The following ATP10B variants were observed in gnomAD, a reference collection of about 807,000 sequenced individuals.
ATP10B encodes the protein ATPase phospholipid transporting 10B (putative), also known as phospholipid-transporting ATPase VB.
Under a neutral mutation model 141.2 loss-of-function variants are expected in ATP10B, and 122 were observed. The ratio of observed to expected loss-of-function variants is 0.86; its 90% CI spans 0.75 to 1.00. ATP10B has a LOEUF of 1.00. Ranked by LOEUF, ATP10B falls within the 50% of genes least tolerant of loss-of-function variation. The pLI, the probability that ATP10B is intolerant of heterozygous loss-of-function variation, is 0.00. For missense variants in ATP10B, 1,876 were observed against 1,825.3 expected (o/e 1.03, Z -0.51); for synonymous variants, 685 against 692.0 (o/e 0.99, Z 0.16).
chr5:160,889,730 G>GA, the ATP10B span, among the ~76,000 whole-genome samples: 1 of 152,190 alleles, frequency 6.6e-6, no homozygotes, highest in African/African-American at 2.4e-5. Context: ...GGAAACTGGG[G>GA]AGTGTCTCCT....
the ATP10B span, among the ~76,000 whole-genome samples, chr5:160,885,011 T>C: frequency 6.6e-6 from 1 of 152,172 alleles, no homozygotes; most frequent in East Asian, 1.9e-4. Context: ...CCAATCACCG[T>C]TGGAACTGGT....
intron 3 of ATP10B, among the ~76,000 whole-genome samples, chr5:160,705,952 G>T (rs1010838406): frequency 8.5e-5 from 13 of 152,288 alleles, no homozygotes; most frequent in African/African-American, 3.1e-4. Context: ...AGAGGCCATT[G>T]TAGGGTTATT....
At chr5:160,617,616 G>A (rs1326060003) in intron 16 of ATP10B, among the ~76,000 whole-genome samples, 1 of 152,138 alleles carries the variant, frequency 6.6e-6, no homozygotes, top group East Asian at 1.9e-4. Flanking sequence ...TGAGTTGTGT[G>A]TTACCCATTA....
rs186100669 is a variant in ATP10B, at chr5:160,686,092, G to A, written c.457C>T (p.Arg153Ter). 5,311 of 1,563,880 alleles carry A rather than the reference G, an allele frequency of 3.4e-3. 57 individuals are homozygous for A. Among genetic ancestry groups the A allele is most frequent in the Non-Finnish European group, 2.5e-3 (2,891 of 1,149,354 alleles). Residue 153 changes from arginine to a stop codon, truncating the protein, a stop_gained, in exon 6 of 26, where the codon CGA (arginine) becomes TGA (stop). Transcript: ENST00000327245. LOFTEE classifies it high-confidence loss of function. ...FDKAINCSNI[R>*]IYERKEQTYV... ...GGTTTTTCTTACCTTTCATAAATTC[G>A]AATGTTGGAGCAGTTTATTGCTTTA... is the stretch of plus-strand genomic sequence containing the variant.
intron 6 of ATP10B, among the ~76,000 whole-genome samples, chr5:160,673,138 T>G (rs1007580240): frequency 3.3e-5 from 5 of 152,232 alleles, no homozygotes; most frequent in African/African-American, 9.6e-5. Context: ...AGACCCCTTC[T>G]GAGGATTCTG....
chr5:160,856,026 AT>A (rs1020229706), upstream of ATP10B, among the ~76,000 whole-genome samples: 1 of 150,864 alleles, frequency 6.6e-6, no homozygotes, highest in South Asian at 2.1e-4. Flanking sequence ...CTTCCACTTT[AT>A]TTTTTTTCAA....
chr5:160,667,932 C>A (rs1341471398), intron 7 of ATP10B, among the ~76,000 whole-genome samples: 1 of 151,864 alleles, frequency 6.6e-6, no homozygotes, highest in African/African-American at 2.4e-5. Flanking sequence ...TTAAAAAAAA[C>A]AAAAACGGTA....
intron 24 of ATP10B, among the ~76,000 whole-genome samples, chr5:160,576,323 G>C (rs1027973360): frequency 1.3e-5 from 2 of 152,116 alleles, no homozygotes; most frequent in Non-Finnish European, 1.5e-5. Flanking sequence ...CCCAGAAAAG[G>C]ACTTAAAGGA....
chr5:160,914,471 C>T, the ATP10B span, among the ~76,000 whole-genome samples: 1 of 152,178 alleles, frequency 6.6e-6, no homozygotes, highest in Non-Finnish European at 1.5e-5. Flanking sequence ...CTATATCCTC[C>T]TGTATAAATC....
the ATP10B span, among the ~76,000 whole-genome samples, chr5:160,919,807 C>T: frequency 5.3e-5 from 8 of 152,180 alleles, no homozygotes; most frequent in South Asian, 4.1e-4. Flanking sequence ...CTAACGACGG[C>T]GCCTTCCTGA....
intron 22 of ATP10B, 137 bp from the exon 23 acceptor site, chr5:160,591,276 G>A (rs1756276724): frequency 1.6e-6 from 1 of 643,672 alleles, no homozygotes; most frequent in Middle Eastern, 2.6e-4. Flanking sequence ...GTAGAATGGA[G>A]TAATTAGGAG....
intron 4 of ATP10B, among the ~76,000 whole-genome samples, 180 bp from the exon 5 acceptor site, chr5:160,688,274 GA>G (rs1027860566): frequency 5.3e-5 from 8 of 152,160 alleles, no homozygotes; most frequent in African/African-American, 1.9e-4. Context: ...TGTTCCTAAA[GA>G]TAGGATTTCT....
At chr5:160,838,578 T>C (rs1163056670) in intron 1 of ATP10B, among the ~76,000 whole-genome samples, 1 of 152,210 alleles carries the variant, frequency 6.6e-6, no homozygotes, top group Non-Finnish European at 1.5e-5. Flanking sequence ...CCCATTCAAA[T>C]ATTTTTCTTT....
intron 1 of ATP10B, among the ~76,000 whole-genome samples, chr5:160,789,515 A>G (rs986818045): frequency 2.6e-5 from 4 of 152,196 alleles, no homozygotes; most frequent in Non-Finnish European, 5.9e-5. Flanking sequence ...AAAAACATAG[A>G]TAAGGTACAA....
chr5:160,791,557 C>T (rs1771571203), intron 1 of ATP10B, among the ~76,000 whole-genome samples: 1 of 152,146 alleles, frequency 6.6e-6, no homozygotes, highest in African/African-American at 2.4e-5. Flanking sequence ...AAGGATGATT[C>T]TGACTTTCTG....
At chr5:160,773,178 C>T (rs1466167080) in intron 2 of ATP10B, among the ~76,000 whole-genome samples, 2 of 152,178 alleles carry the variant, frequency 1.3e-5, no homozygotes, top group African/African-American at 2.4e-5. Context: ...AATCTGGTTG[C>T]TAAGAATCAC....
chr5:160,681,723 A>G (rs1317891042), intron 6 of ATP10B, among the ~76,000 whole-genome samples: 1 of 152,260 alleles, frequency 6.6e-6, no homozygotes, highest in Non-Finnish European at 1.5e-5. Context: ...TGGGCTCATA[A>G]GCAAAATAGA....
At chr5:160,746,606 G>T (rs1767823225) in intron 2 of ATP10B, among the ~76,000 whole-genome samples, 1 of 151,946 alleles carries the variant, frequency 6.6e-6, no homozygotes, top group Admixed American at 6.6e-5. Context: ...TGGCCAGGCT[G>T]GTCTCGCACT....
chr5:160,577,664 A>T (rs1755281864), intron 24 of ATP10B, among the ~76,000 whole-genome samples: 1 of 152,214 alleles, frequency 6.6e-6, no homozygotes, highest in Non-Finnish European at 1.5e-5. Context: ...TAGAATTTCC[A>T]TCATGACTTA....
Sources: gnomAD v4.1 joint callset for allele counts (sites outside exome capture counted in the v4.1 genomes callset) on GRCh38, gnomAD v4.1.1 for gene constraint, MANE v1.5 for transcripts, NCBI Gene and HGNC (gene_info 2026-07-23, HGNC 2026-07-21) for gene names.